COL11A1: variants seen among roughly 807,000 people sequenced by gnomAD.
COL11A1 encodes the protein collagen alpha-1(XI) chain.
In COL11A1, 74 loss-of-function variants were observed where a neutral mutation model predicts 265.2. The observed-to-expected ratio is 0.28, with a 90% CI of 0.23 to 0.34. The LOEUF (loss-of-function observed/expected upper bound fraction) is 0.34, where lower values mean the gene tolerates loss of function less well. Ranked by LOEUF, COL11A1 falls within the 10% of genes least tolerant of loss-of-function variation. The probability of loss-of-function intolerance (pLI) is 1.00; values close to 1 mark genes in which losing one functional copy is unlikely to be tolerated. For missense variants in COL11A1, 2,165 were observed against 2,263.6 expected (o/e 0.96, Z 0.88); for synonymous variants, 816 against 727.6 (o/e 1.12, Z -1.96).
chr1:102,965,170 A>C (rs1034774124), intron 38 of COL11A1, among the ~76,000 whole-genome samples: 2 of 152,136 alleles, frequency 1.3e-5, no homozygotes, highest in Admixed American at 6.6e-5. Context: ...CCTATTTACA[A>C]AGAACTTTGT....
At chr1:102,959,890 C>T (rs1047748379) in intron 41 of COL11A1, among the ~76,000 whole-genome samples, 4 of 152,150 alleles carry the variant, frequency 2.6e-5, no homozygotes, top group South Asian at 2.1e-4. Context: ...CTTATAGTCA[C>T]AGCTCAGATG....
intron 24 of COL11A1, among the ~76,000 whole-genome samples, chr1:102,999,849 T>C (rs1248585014): frequency 6.6e-6 from 1 of 152,024 alleles, no homozygotes; most frequent in South Asian, 2.1e-4. Flanking sequence ...AGTAATAGCT[T>C]CTACTTTTTT....
chr1:103,047,810 G>C (rs1200052524), intron 4 of COL11A1, among the ~76,000 whole-genome samples: 1 of 152,172 alleles, frequency 6.6e-6, no homozygotes, highest in South Asian at 2.1e-4. Context: ...TTTTTAGCAT[G>C]AAGGGTTGTT....
At chr1:102,883,416 T>A in intron 63 of COL11A1, 105 bp from the exon 64 acceptor site, 1 of 762,536 alleles carries the variant, frequency 1.3e-6, no homozygotes, top group South Asian at 1.4e-5. Context: ...AAATACATAT[T>A]AATAGATCTT....
intron 21 of COL11A1, 113 bp downstream of exon 21, chr1:103,003,102 C>T (rs1665277014): frequency 5.7e-6 from 6 of 1,060,760 alleles, no homozygotes. Flanking sequence ...AATAGATCTT[C>T]AAACATAACA....
intron 1 of COL11A1, among the ~76,000 whole-genome samples, chr1:103,092,088 G>T (rs138610731): frequency 5.4e-4 from 82 of 152,148 alleles, no homozygotes; most frequent in African/African-American, 1.9e-3. Flanking sequence ...ATTCTGAAGT[G>T]TAATTAATGA....
intron 46 of COL11A1, 94 bp from the exon 47 acceptor site, chr1:102,923,483 C>A (rs34121758): frequency 4.0e-5 from 36 of 908,458 alleles, no homozygotes; most frequent in Non-Finnish European, 5.8e-5. Flanking sequence ...GTATAAAGTT[C>A]AATAAGTACA....
rs1663731793 is a variant in COL11A1, at chr1:102,987,822, A to G, written c.2395-82T>C. 4 of 1,015,422 alleles carry G rather than the reference A, an allele frequency of 3.9e-6. No individual in the cohort carries two copies. In the Admixed American group the frequency reaches 6.9e-5, roughly 17 times the overall value. 62.9% of individuals were successfully genotyped at this position (1,015,422 alleles called of 1,614,324 possible). A position where few individuals can be genotyped will look rare whatever the true frequency, so the allele number is the denominator to read the frequency against. ...ACAGGGAAAAAATTATGACAGTGAAAGAGATCTGATATAATAAACTCCATC... is the reference window on the plus strand; with the variant it reads ...ACAGGGAAAAAATTATGACAGTGAAGGAGATCTGATATAATAAACTCCATC... On this transcript the variant is annotated intron_variant, in intron 29 of 66. Coordinates refer to ENST00000370096, the MANE Select transcript of COL11A1 (RefSeq NM_001854.4).
At chr1:102,909,910 A>G (rs1227400910) in intron 54 of COL11A1, among the ~76,000 whole-genome samples, 1 of 152,058 alleles carries the variant, frequency 6.6e-6, no homozygotes, top group Non-Finnish European at 1.5e-5. Flanking sequence ...ATATGTTATA[A>G]TAAAGAATAA....
chr1:103,058,080 G>A (rs538983873), intron 4 of COL11A1, among the ~76,000 whole-genome samples: 1 of 152,190 alleles, frequency 6.6e-6, no homozygotes, highest in Non-Finnish European at 1.5e-5. Flanking sequence ...CTGTTGTTTA[G>A]TGTAGCAGCT....
At chr1:102,891,443 C>A (rs551824401) in intron 57 of COL11A1, among the ~76,000 whole-genome samples, 1 of 151,688 alleles carries the variant, frequency 6.6e-6, no homozygotes, top group African/African-American at 2.4e-5. Context: ...TTAATAGTCC[C>A]AGACTAAGAC....
chr1:102,955,736 T>C (rs1660310346), intron 41 of COL11A1, among the ~76,000 whole-genome samples: 1 of 152,192 alleles, frequency 6.6e-6, no homozygotes, highest in African/African-American at 2.4e-5. Flanking sequence ...TCTGAGAATT[T>C]GTTGCATGAT....
intron 41 of COL11A1, 65 bp downstream of exon 41, chr1:102,961,801 G>A (rs1476936396): frequency 1.4e-6 from 2 of 1,395,690 alleles, no homozygotes; most frequent in Non-Finnish European, 2.0e-6. Context: ...CAGCATGAGA[G>A]TAATGAAAGA....
At chr1:103,057,732 G>A (rs1418707330) in intron 4 of COL11A1, among the ~76,000 whole-genome samples, 1 of 152,124 alleles carries the variant, frequency 6.6e-6, no homozygotes, top group Non-Finnish European at 1.5e-5. Flanking sequence ...GTAATATTTT[G>A]AAAAGAATCA....
rs756200701 is a variant in COL11A1 at position 102,914,361 on chromosome 1, A to T, written c.3969T>A (p.Pro1323=). The T allele has an allele frequency of 6.2e-7, 1 of 1,607,786 alleles. No homozygotes were observed. The highest frequency in any genetic ancestry group is 1.1e-5 in the South Asian group (1 of 89,952). The part of the protein sequence containing the change: ...FPGDPGPPGE[P]GPAGQDGVGG... ...TTTCCCTGATACTTACTGCAGGGCC[A>T]GGTTCCCCAGGAGGACCAGGATCTC... The change falls in exon 52 of 67, where the codon CCT becomes CCA. Residue 1323 remains proline, a synonymous_variant. Transcript: ENST00000370096.
chr1:103,107,755 CT>C (rs1486207408), intron 1 of COL11A1, among the ~76,000 whole-genome samples: 1 of 152,014 alleles, frequency 6.6e-6, no homozygotes, highest in Middle Eastern at 3.2e-3. Context: ...TATAACTGCC[CT>C]TGTGTTCAAG....
At chr1:102,927,179 T>A (rs1032424550) in intron 46 of COL11A1, among the ~76,000 whole-genome samples, 8 of 152,144 alleles carry the variant, frequency 5.3e-5, no homozygotes, top group African/African-American at 1.9e-4. Context: ...TCAATTTACA[T>A]AGGCTTTTCT....
intron 54 of COL11A1, among the ~76,000 whole-genome samples, chr1:102,909,984 A>C (rs569305180): frequency 2.6e-5 from 4 of 152,156 alleles, no homozygotes; most frequent in African/African-American, 7.2e-5. Flanking sequence ...ATATTTTGAA[A>C]GTTTATAATA....
intron 9 of COL11A1, among the ~76,000 whole-genome samples, chr1:103,019,188 G>A (rs771795601): frequency 5.9e-5 from 9 of 151,974 alleles, no homozygotes; most frequent in Non-Finnish European, 1.0e-4. Flanking sequence ...TTTGTTTTTC[G>A]TTTGTTTGTA....
Sources: gnomAD v4.1 joint callset for allele counts (sites outside exome capture counted in the v4.1 genomes callset) on GRCh38, gnomAD v4.1.1 for gene constraint, MANE v1.5 for transcripts, NCBI Gene and HGNC (gene_info 2026-07-23, HGNC 2026-07-21) for gene names.